PDE4D: variants seen among roughly 807,000 people sequenced by gnomAD.
The protein encoded by PDE4D is 3',5'-cyclic-AMP phosphodiesterase 4D.
Under a neutral mutation model 87.4 loss-of-function variants are expected in PDE4D, and 24 were observed. That is an observed-to-expected ratio of 0.27 (90% CI 0.20 to 0.39). The LOEUF (loss-of-function observed/expected upper bound fraction) is 0.39. Ranked by LOEUF, PDE4D falls within the 10% of genes least tolerant of loss-of-function variation. The pLI is 1.00. For missense variants in PDE4D, 714 were observed against 1,041.0 expected (o/e 0.69, Z 4.32); for synonymous variants, 384 against 383.2 (o/e 1.00, Z -0.02).
intron 1 of PDE4D, among the ~76,000 whole-genome samples, chr5:59,258,206 A>T (rs368343946): frequency 1.2e-4 from 18 of 151,928 alleles, no homozygotes; most frequent in African/African-American, 3.9e-4. Flanking sequence ...TCAGTTCTCA[A>T]CTTCCCTGAC....
chr5:60,323,046 C>G (rs1170545033), intron 1 of PDE4D, among the ~76,000 whole-genome samples: 1 of 152,214 alleles, frequency 6.6e-6, no homozygotes, highest in Non-Finnish European at 1.5e-5. Flanking sequence ...GGTTGATCTT[C>G]GTTCACATAG....
At chr5:59,133,773 T>C (rs946431259) in intron 5 of PDE4D, among the ~76,000 whole-genome samples, 1 of 152,126 alleles carries the variant, frequency 6.6e-6, no homozygotes, top group Non-Finnish European at 1.5e-5. Flanking sequence ...GGCCTCTGAC[T>C]TGACAGGAAC....
intron 5 of PDE4D, among the ~76,000 whole-genome samples, chr5:59,116,314 T>A (rs528995103): frequency 6.6e-6 from 1 of 152,216 alleles, no homozygotes; most frequent in South Asian, 2.1e-4. Context: ...TCTATGTATA[T>A]GCTACATGTA....
chr5:59,763,840 A>AGAT (rs1762466775), intron 1 of PDE4D, among the ~76,000 whole-genome samples: 1 of 152,202 alleles, frequency 6.6e-6, no homozygotes, highest in South Asian at 2.1e-4. Flanking sequence ...TAATCCTAAC[A>AGAT]GATGGTGCCA....
intron 1 of PDE4D, among the ~76,000 whole-genome samples, chr5:59,274,275 TA>T (rs574064568): frequency 9.2e-5 from 14 of 152,250 alleles, no homozygotes; most frequent in African/African-American, 3.4e-4. Context: ...TATAATTTAT[TA>T]AAACTCACAG....
chr5:60,436,919 G>GA (rs1406141527), intron 1 of PDE4D, among the ~76,000 whole-genome samples: 13 of 152,148 alleles, frequency 8.5e-5, no homozygotes, highest in Middle Eastern at 3.4e-3. Context: ...GCAACTGGCA[G>GA]AAAAAATATT....
chr5:60,241,555 G>A (rs1001721609), intron 1 of PDE4D, among the ~76,000 whole-genome samples: 3 of 151,962 alleles, frequency 2.0e-5, no homozygotes, highest in Non-Finnish European at 4.4e-5. Flanking sequence ...CCCAGCTGGA[G>A]TCTCTTAATA....
intron 1 of PDE4D, among the ~76,000 whole-genome samples, chr5:59,777,911 A>G (rs1156820438): frequency 6.6e-6 from 1 of 152,138 alleles, no homozygotes; most frequent in Non-Finnish European, 1.5e-5. Context: ...AGATGAGACA[A>G]AAAAAAGAAG....
At chr5:60,075,784 C>T (rs187071344) in intron 2 of PDE4D, among the ~76,000 whole-genome samples, 1 of 152,230 alleles carries the variant, frequency 6.6e-6, no homozygotes, top group East Asian at 1.9e-4. Flanking sequence ...ATTCTTTCCT[C>T]AGGTTGGTCT....
chr5:59,426,998 TACACACACACAC>T (rs3061709), intron 1 of PDE4D, among the ~76,000 whole-genome samples: 3,340 of 125,174 alleles, frequency 0.027, 59 homozygotes, highest in African/African-American at 0.049. Flanking sequence ...CTTGAAGCTA[TACACACACACAC>T]ACACACACAC....
intron 2 of PDE4D, chr5:60,022,514 T>C (rs139274564): frequency 1.3e-3 from 200 of 152,298 alleles, no homozygotes; most frequent in African/African-American, 4.6e-3. Context: ...CTCTAACTTT[T>C]TTGCTATACT....
chr5:59,660,467 C>T (rs1483462646), intron 1 of PDE4D, among the ~76,000 whole-genome samples: 2 of 151,556 alleles, frequency 1.3e-5, no homozygotes, highest in Non-Finnish European at 2.9e-5. Context: ...TATTTTTTTC[C>T]TCCCTTTTCT....
At chr5:59,688,301 T>C (rs1207416305) in intron 1 of PDE4D, among the ~76,000 whole-genome samples, 1 of 152,158 alleles carries the variant, frequency 6.6e-6, no homozygotes, top group Non-Finnish European at 1.5e-5. Context: ...TATTCCAAAA[T>C]TGACCATATA....
At position 60,255,435 on chromosome 5, in the gene PDE4D, C is replaced by T. The variant is rs927226321; in HGVS notation, c.-89-69748G>A. ...TCTTTTATATGTCACAGTAACTATTCATGACTCATTTATTATATCCTAAAA... is the reference window on the plus strand; with the variant it reads ...TCTTTTATATGTCACAGTAACTATTTATGACTCATTTATTATATCCTAAAA... On this transcript the variant is annotated intron_variant, in intron 1 of 16. Transcript: ENST00000502484. Among the ~76,000 whole-genome samples, 9 of 151,954 alleles carry T rather than the reference C, an allele frequency of 5.9e-5. No homozygotes were observed. In the East Asian group the frequency reaches 1.7e-3, roughly 30 times the overall value.
chr5:60,008,587 T>C (rs1249486413), intron 2 of PDE4D, among the ~76,000 whole-genome samples: 3 of 151,952 alleles, frequency 2.0e-5, no homozygotes, highest in South Asian at 2.1e-4. Context: ...TTGCCCAGGA[T>C]TGGGGTCATA....
At chr5:59,190,658 G>C (rs1009275769) in intron 3 of PDE4D, among the ~76,000 whole-genome samples, 3 of 152,080 alleles carry the variant, frequency 2.0e-5, no homozygotes, top group Admixed American at 6.5e-5. Flanking sequence ...AGTGGTAAGT[G>C]CTTTACTTTG....
intron 6 of PDE4D, among the ~76,000 whole-genome samples, chr5:59,012,617 T>G (rs1010983263): frequency 3.9e-5 from 6 of 152,130 alleles, no homozygotes; most frequent in African/African-American, 1.4e-4. Context: ...CCTAAATATA[T>G]ATGCACCCAA....
At chr5:60,053,463 G>A (rs1164841194) in intron 2 of PDE4D, among the ~76,000 whole-genome samples, 1 of 152,154 alleles carries the variant, frequency 6.6e-6, no homozygotes, top group African/African-American at 2.4e-5. Context: ...TTTAATAAAT[G>A]GTGTTGGGGA....
chr5:60,479,029 A>G (rs1748532428), intron 1 of PDE4D, among the ~76,000 whole-genome samples: 1 of 152,108 alleles, frequency 6.6e-6, no homozygotes, highest in Non-Finnish European at 1.5e-5. Context: ...CAGGCAAGGA[A>G]ACTGAGGCTG....
Sources: allele counts gnomAD v4.1 joint callset (sites outside exome capture counted in the v4.1 genomes callset), GRCh38; gene constraint gnomAD v4.1.1; transcripts MANE v1.5; gene names NCBI Gene and HGNC (gene_info 2026-07-23, HGNC 2026-07-21).